The following MTUS2 variants were observed in gnomAD, a reference collection of about 807,000 sequenced individuals.
The protein encoded by MTUS2 is microtubule-associated tumor suppressor candidate 2.
MTUS2 carries 40 observed loss-of-function variants against 114.1 expected under a neutral mutation model. The ratio of observed to expected loss-of-function variants is 0.35; its 90% CI spans 0.27 to 0.46. MTUS2 has a LOEUF of 0.46. MTUS2 is among the 20% of genes least tolerant of loss of function. The probability of loss-of-function intolerance (pLI) is 1.00; values close to 1 mark genes in which losing one functional copy is unlikely to be tolerated. For synonymous variants in MTUS2, 688 were observed against 672.0 expected, an observed-to-expected ratio of 1.02 and a Z score of -0.37; for missense variants, 1,679 against 1,705.4, an observed-to-expected ratio of 0.98 and a Z score of 0.27.
chr13:29,311,571 C>T (rs532407007), intron 6 of MTUS2, among the ~76,000 whole-genome samples: 77 of 152,190 alleles, frequency 5.1e-4, no homozygotes, highest in Middle Eastern at 3.4e-3. Context: ...CTAATGAATA[C>T]GTGTCCTTTT....
chr13:29,368,894 A>C (rs761911159), intron 8 of MTUS2, among the ~76,000 whole-genome samples: 3 of 152,198 alleles, frequency 2.0e-5, no homozygotes, highest in African/African-American at 4.8e-5. Context: ...CTGACCTGGG[A>C]CAGCATCTTG....
chr13:29,200,137 C>A (rs1894880126), intron 5 of MTUS2, among the ~76,000 whole-genome samples: 1 of 152,004 alleles, frequency 6.6e-6, no homozygotes, highest in East Asian at 1.9e-4. Context: ...TTCAAAAAAC[C>A]AGCTTCTGGA....
chr13:29,158,205 G>T (rs1892944244), intron 5 of MTUS2, among the ~76,000 whole-genome samples: 1 of 152,012 alleles, frequency 6.6e-6, no homozygotes, highest in Non-Finnish European at 1.5e-5. Flanking sequence ...TGGAAGGAAT[G>T]CCCTAAGAAT....
chr13:28,902,027 T>C (rs1267578868), intron 2 of MTUS2, among the ~76,000 whole-genome samples: 2 of 152,172 alleles, frequency 1.3e-5, no homozygotes, highest in Non-Finnish European at 2.9e-5. Flanking sequence ...TTTAAAACTT[T>C]TCAGCTTGAA....
chr13:29,004,721 C>G (rs570770734), intron 2 of MTUS2, among the ~76,000 whole-genome samples: 5 of 152,150 alleles, frequency 3.3e-5, no homozygotes, highest in Non-Finnish European at 7.3e-5. Context: ...AAGCATGTTT[C>G]TTTCAGCAAA....
intron 3 of MTUS2, among the ~76,000 whole-genome samples, chr13:29,030,242 A>G (rs776047739): frequency 6.6e-6 from 1 of 152,148 alleles, no homozygotes; most frequent in Admixed American, 6.5e-5. Context: ...TTGTATGGAC[A>G]TTGTGTGGCT....
chr13:28,981,922 G>A (rs562882018), intron 2 of MTUS2, among the ~76,000 whole-genome samples: 54 of 152,304 alleles, frequency 3.5e-4, no homozygotes, highest in African/African-American at 1.1e-3. Context: ...TTCACCTGGA[G>A]GGAATGGGGA....
intron 5 of MTUS2, among the ~76,000 whole-genome samples, chr13:29,104,492 C>T (rs376119923): frequency 3.3e-5 from 5 of 152,190 alleles, no homozygotes; most frequent in Admixed American, 2.0e-4. Context: ...CCAGCCCCTG[C>T]GGGAATGCTC....
intron 5 of MTUS2, among the ~76,000 whole-genome samples, chr13:29,160,054 C>T (rs747240558): frequency 5.9e-5 from 9 of 152,196 alleles, no homozygotes; most frequent in South Asian, 2.1e-4. Context: ...CCATTGCTCA[C>T]GGAGGCTTCA....
chr13:28,921,502 G>A (rs976661105), intron 2 of MTUS2, among the ~76,000 whole-genome samples: 66 of 152,260 alleles, frequency 4.3e-4, no homozygotes, highest in African/African-American at 1.5e-3. Flanking sequence ...TGAGGGAGGG[G>A]TGGTGCAAGC....
intron 5 of MTUS2, among the ~76,000 whole-genome samples, chr13:29,231,707 A>G (rs4146405): frequency 0.76 from 116,168 of 152,120 alleles, 44,497 homozygotes; most frequent in East Asian, 0.89. Context: ...GTTCACATTC[A>G]GAAACAAATC....
intron 2 of MTUS2, among the ~76,000 whole-genome samples, chr13:28,884,430 A>C (rs2138149979): frequency 6.6e-6 from 1 of 152,324 alleles, no homozygotes; most frequent in Admixed American, 6.5e-5. Context: ...AGACTTTGGC[A>C]AGATGAACAG....
chr13:29,200,870 G>C (rs542675459), intron 5 of MTUS2, among the ~76,000 whole-genome samples: 1 of 152,274 alleles, frequency 6.6e-6, no homozygotes, highest in Admixed American at 6.5e-5. Flanking sequence ...TGTGGCCTGA[G>C]AGACTGTTGG....
chr13:29,196,667 C>T (rs1380725151), intron 5 of MTUS2, among the ~76,000 whole-genome samples: 2 of 152,140 alleles, frequency 1.3e-5, no homozygotes, highest in Non-Finnish European at 2.9e-5. Context: ...ACTATGTCTT[C>T]ATGATTTTGA....
In MTUS2 at chr13:29,241,089, A is replaced by G. The variant is rs535398868; in HGVS notation, c.2645-40615A>G. ...ATATATTACATTTAATATGTATCAA[A>G]TACATACTGCCCTAATGTGAAATTA... On this transcript the variant is annotated intron_variant, in intron 5 of 15. Transcript: ENST00000612955. 2.9e-4 allele frequency among the ~76,000 whole-genome samples: 44 copies of G among 152,302 alleles called. No homozygotes were observed. In the South Asian group the frequency reaches 9.1e-3, roughly 32 times the overall value.
chr13:29,351,236 A>G (rs1056115222), intron 7 of MTUS2, among the ~76,000 whole-genome samples: 2 of 152,126 alleles, frequency 1.3e-5, no homozygotes, highest in South Asian at 2.1e-4. Context: ...AAGAAAATCA[A>G]CTGAAATGGT....
intron 14 of MTUS2, among the ~76,000 whole-genome samples, chr13:29,500,120 G>A (rs570391263): frequency 3.9e-5 from 6 of 152,356 alleles, no homozygotes; most frequent in African/African-American, 1.4e-4. Context: ...GGTTTACTTG[G>A]CTGATTTTAG....
intron 2 of MTUS2, among the ~76,000 whole-genome samples, chr13:28,955,117 A>G (rs1228199789): frequency 1.3e-5 from 2 of 152,214 alleles, no homozygotes; most frequent in Non-Finnish European, 2.9e-5. Flanking sequence ...CTGGTCTGAT[A>G]GGATCCAAAG....
intron 2 of MTUS2, among the ~76,000 whole-genome samples, chr13:28,931,325 C>T (rs1468566632): frequency 1.3e-5 from 2 of 152,200 alleles, no homozygotes; most frequent in African/African-American, 2.4e-5. Context: ...TGTGTCTCCA[C>T]CCAAATCTCA....
Sources: allele counts gnomAD v4.1 joint callset (sites outside exome capture counted in the v4.1 genomes callset), GRCh38; gene constraint gnomAD v4.1.1; transcripts MANE v1.5; gene names NCBI Gene and HGNC (gene_info 2026-07-23, HGNC 2026-07-21).